Variants in LAMA4 observed in about 807,000 individuals in gnomAD.
LAMA4 encodes laminin subunit alpha-4.
LAMA4 carries 127 observed loss-of-function variants against 207.1 expected under a neutral mutation model. That is an observed-to-expected ratio of 0.61 (90% confidence interval 0.53 to 0.71). The LOEUF (loss-of-function observed/expected upper bound fraction) is 0.71. Among genes scored for constraint, LAMA4 ranks in the 30% least tolerant of loss-of-function variants. The pLI, the probability that LAMA4 is intolerant of heterozygous loss-of-function variation, is 0.00. For missense variants in LAMA4, 2,093 were observed against 2,246.5 expected (o/e 0.93, Z 1.38); for synonymous variants, 761 against 816.0 (o/e 0.93, Z 1.15).
intron 13 of LAMA4, chr6:112,162,145 A>T (rs1554338557): frequency 6.6e-6 from 1 of 152,312 alleles, no homozygotes; most frequent in Non-Finnish European, 1.5e-5. Flanking sequence ...TGGACCAAAG[A>T]GCAGCAGTAG....
intron 22 of LAMA4, 23 bp downstream of exon 22, chr6:112,140,737 C>A: frequency 6.2e-7 from 1 of 1,610,470 alleles, no homozygotes; most frequent in Non-Finnish European, 8.5e-7. Context: ...TGTAATAGGT[C>A]AAAATATAGC....
intron 13 of LAMA4, among the ~76,000 whole-genome samples, chr6:112,163,422 G>A: frequency 6.6e-6 from 1 of 152,236 alleles, no homozygotes; most frequent in Admixed American, 6.5e-5. Context: ...CTTAGAGGGT[G>A]TGCAGAGGCG....
chr6:112,214,915 A>AG (rs1784544581), intron 3 of LAMA4, among the ~76,000 whole-genome samples: 1 of 152,268 alleles, frequency 6.6e-6, no homozygotes, highest in South Asian at 2.1e-4. Context: ...AGACTCTAGC[A>AG]GGAGGGACTT....
At chr6:112,227,305 G>A (rs1785275703) in intron 2 of LAMA4, among the ~76,000 whole-genome samples, 1 of 151,884 alleles carries the variant, frequency 6.6e-6, no homozygotes, top group African/African-American at 2.4e-5. Context: ...TCCTGACCTC[G>A]TGATCCACCC....
chr6:112,236,554 T>C (rs1554366097), intron 2 of LAMA4: 1 of 152,194 alleles, frequency 6.6e-6, no homozygotes, highest in African/African-American at 2.4e-5. Context: ...TATCAACAGC[T>C]TTTTAAAAGC....
chr6:112,253,536 C>G, intron 2 of LAMA4: 1 of 515,916 alleles, frequency 1.9e-6, no homozygotes, highest in South Asian at 2.1e-5. Context: ...ACAAAAAGAT[C>G]CTGCAGTAGT....
chr6:112,186,029 T>G (rs1372812775), intron 8 of LAMA4, among the ~76,000 whole-genome samples: 1 of 152,230 alleles, frequency 6.6e-6, no homozygotes, highest in Non-Finnish European at 1.5e-5. Flanking sequence ...CAAGAACAAT[T>G]TCAAAGTTTA....
At chr6:112,187,651 G>A (rs1476665146) in intron 7 of LAMA4, 50 bp from the exon 8 acceptor site, 4 of 1,586,692 alleles carry the variant, frequency 2.5e-6, no homozygotes, top group Middle Eastern at 3.3e-4. Context: ...CATGCTAAAG[G>A]CAGGCCGTTT....
chr6:112,121,534 C>G (rs1267376933), intron 32 of LAMA4, among the ~76,000 whole-genome samples: 1 of 152,122 alleles, frequency 6.6e-6, no homozygotes, highest in Non-Finnish European at 1.5e-5. Flanking sequence ...TATCAGATAA[C>G]CTGGAGATTT....
intron 5 of LAMA4, among the ~76,000 whole-genome samples, chr6:112,198,063 C>T (rs782590496): frequency 2.0e-5 from 3 of 152,124 alleles, no homozygotes; most frequent in Non-Finnish European, 2.9e-5. Flanking sequence ...GAAATACTTC[C>T]CTAGTATGAG....
rs536647141 is a variant in LAMA4 at position 112,240,264 on chromosome 6, T to A, written c.195+13692A>T. Among the ~76,000 whole-genome samples the A allele has an allele frequency of 6.7e-3, 1,023 of 152,278 alleles. 18 individuals are homozygous for A. The highest frequency in any genetic ancestry group is 0.023 in the African/African-American group (969 of 41,530). On this transcript the variant is annotated intron_variant, in intron 2 of 38. Coordinates refer to ENST00000230538, the MANE Select transcript of LAMA4 (RefSeq NM_001105206.3). ...TTATTTTTAATCTTTGTATTTTTTT[T>A]AAAATTGTTGTGGGTAAATAGTAGG... is the stretch of plus-strand genomic sequence containing the variant.
Position 112,117,071 on chromosome 6 carries a change from T to C in LAMA4, c.4981+668A>G, listed in dbSNP as rs1778061582. On this transcript the variant is annotated intron_variant, in intron 35 of 38. Coordinates refer to ENST00000230538, the MANE Select transcript of LAMA4 (RefSeq NM_001105206.3). This position sits in a 1 kb window ranked among gnomAD's most constrained non-coding sequence, Gnocchi z 4.5. ...TGAGAGGAGGGAACATGCAGCTTTA[T>C]ACCCTTTCCTATCCTAATTCCGGGC... 6.6e-6 allele frequency among the ~76,000 whole-genome samples: 1 copy of C among 152,250 alleles called. No individual in the cohort carries two copies. The highest frequency in any genetic ancestry group is 2.4e-5 in the African/African-American group (1 of 41,470).
Position 112,190,944 on chromosome 6 carries a change from TTTC to T in LAMA4, c.718+689_718+691del, listed in dbSNP as rs1562714784. The stretch of plus-strand genomic sequence containing the variant: ...CTTTCTTTCTTTCTTTCTTTCTTTC[TTTC>T]CTTTCTTTCTTTCTTTCTTTCTTTC... On this transcript the variant is annotated intron_variant, in intron 6 of 38. Transcript: ENST00000230538. Among the ~76,000 whole-genome samples, 334 of 41,648 alleles carry T rather than the reference TTTC, an allele frequency of 8.0e-3. 7 individuals are homozygous for T. The highest frequency in any genetic ancestry group is 0.011 in the Non-Finnish European group (240 of 21,276). The allele number at this position is 41,648 out of a possible 152,430, so 27.3% of individuals were successfully genotyped here.
chr6:112,187,813 A>G (rs782468468), intron 7 of LAMA4, among the ~76,000 whole-genome samples: 1 of 152,030 alleles, frequency 6.6e-6, no homozygotes, highest in Non-Finnish European at 1.5e-5. Flanking sequence ...CTCTCCTATT[A>G]GCTTTTCTCA....
intron 2 of LAMA4, among the ~76,000 whole-genome samples, chr6:112,252,596 A>G (rs1787536269): frequency 6.6e-6 from 1 of 152,182 alleles, no homozygotes; most frequent in South Asian, 2.1e-4. Context: ...TTCATTCATT[A>G]TTTATCTGAA....
At chr6:112,194,218 G>A (rs1225593305) in intron 5 of LAMA4, among the ~76,000 whole-genome samples, 2 of 152,182 alleles carry the variant, frequency 1.3e-5, no homozygotes, top group Non-Finnish European at 2.9e-5. Flanking sequence ...CTCTTTGGCC[G>A]ACTGAAATGA....
At chr6:112,187,338 C>T (rs782438540) in intron 8 of LAMA4, 112 bp downstream of exon 8, 3 of 1,233,568 alleles carry the variant, frequency 2.4e-6, no homozygotes, top group African/African-American at 1.5e-5. Flanking sequence ...GGTCTAACAA[C>T]CTGTAATACA....
At chr6:112,232,698 A>G (rs1785642118) in intron 2 of LAMA4, among the ~76,000 whole-genome samples, 1 of 152,200 alleles carries the variant, frequency 6.6e-6, no homozygotes, top group South Asian at 2.1e-4. Flanking sequence ...AAGAACACAA[A>G]CTAAAGTGAA....
chr6:112,216,075 A>G (rs908442318), intron 3 of LAMA4, among the ~76,000 whole-genome samples: 1 of 152,164 alleles, frequency 6.6e-6, no homozygotes, highest in African/African-American at 2.4e-5. Flanking sequence ...TTCCTCCTCT[A>G]TGTATCATTT....
Sources: allele counts gnomAD v4.1 joint callset (sites outside exome capture counted in the v4.1 genomes callset), GRCh38; gene constraint gnomAD v4.1.1; non-coding constraint Gnocchi (gnomAD v3.1); transcripts MANE v1.5; gene names NCBI Gene and HGNC (gene_info 2026-07-23, HGNC 2026-07-21).